The following GANAB variants were observed in gnomAD, a reference collection of about 807,000 sequenced individuals.
The protein encoded by GANAB is glucosidase II alpha subunit, also known as neutral alpha-glucosidase AB.
In GANAB, 35 loss-of-function variants were observed where a neutral mutation model predicts 129.9. That is an observed-to-expected ratio of 0.27 (90% CI 0.21 to 0.36). GANAB has a LOEUF of 0.36. Ranked by LOEUF, GANAB falls within the 10% of genes least tolerant of loss-of-function variation. The pLI is 1.00. For synonymous variants in GANAB, 482 were observed against 451.8 expected, an observed-to-expected ratio of 1.07 and a Z score of -0.85; for missense variants, 939 against 1,221.0, an observed-to-expected ratio of 0.77 and a Z score of 3.44.
In GANAB at chr11:62,631,160, G is replaced by A; in HGVS notation, c.1020C>T (p.Asp340=). Residue 340 remains aspartate, a synonymous_variant, in exon 10 of 24, where the codon GAC becomes GAT. Coordinates refer to ENST00000356638, the MANE Select transcript of GANAB (RefSeq NM_198334.3). ...AGKTLFGKMM[D]YLQGSGETPQ... is the part of the protein sequence containing the mutation. Reference sequence around the variant, plus strand: ...GGGTCTCCCCAGAGCCCTGCAGGTAGTCCATCATCTTCCCAAACAGGGTCT... The same window carrying A: ...GGGTCTCCCCAGAGCCCTGCAGGTAATCCATCATCTTCCCAAACAGGGTCT... 6.3e-7 allele frequency: 1 copy of A among 1,594,368 alleles called. No individual in the cohort carries two copies. The highest frequency in any genetic ancestry group is 8.6e-7 in the Non-Finnish European group (1 of 1,163,692).
chr11:62,629,731 G>A (rs760948316), intron 14 of GANAB, 47 bp from the exon 15 acceptor site: 93 of 1,602,856 alleles, frequency 5.8e-5, no homozygotes, highest in Non-Finnish European at 7.5e-5. Flanking sequence ...AAAGCCAGCT[G>A]TCATCTGGTG....
At chr11:62,639,505 CCTG>C in intron 2 of GANAB, 38 bp from the exon 3 acceptor site, 1 of 1,516,550 alleles carries the variant, frequency 6.6e-7, no homozygotes, top group Non-Finnish European at 9.2e-7. Flanking sequence ...GTAAAGGCCA[CCTG>C]CAATGTCCCT....
Position 62,641,826 on chromosome 11 carries a change from TG to T in GANAB, c.39-2096del, listed in dbSNP as rs1296379358. On this transcript the variant is annotated intron_variant, in intron 1 of 23. Coordinates refer to ENST00000356638, the MANE Select transcript of GANAB (RefSeq NM_198334.3). ...AATTCCTGACCTCAGGTGATCCACCTGCCTCACCCTCCCAAGTAGCTGGGAC... is the reference window on the plus strand; with the variant it reads ...AATTCCTGACCTCAGGTGATCCACCTCCTCACCCTCCCAAGTAGCTGGGAC... 7.2e-5 allele frequency among the ~76,000 whole-genome samples: 11 copies of T among 152,032 alleles called. No individual in the cohort carries two copies. The South Asian group carries it at 1.9e-3, about 26-fold the overall frequency.
Position 62,630,867 on chromosome 11 carries a change from C to T in GANAB, c.1151-31G>A, listed in dbSNP as rs757297116. On this transcript the variant is annotated intron_variant, in intron 10 of 23. Coordinates refer to ENST00000356638, the MANE Select transcript of GANAB (RefSeq NM_198334.3). ...GGTTCATGAGGGATGGGGGTCACAA[C>T]GAGGATCAGGCCCAACACCCAGAAA... The T allele has an allele frequency of 1.9e-5, 30 of 1,570,856 alleles. 1 individual carries two copies. The South Asian group carries it at 2.0e-4, about 11-fold the overall frequency.
At chr11:62,635,369 G>A (rs2134507280) in intron 4 of GANAB, among the ~76,000 whole-genome samples, 1 of 152,048 alleles carries the variant, frequency 6.6e-6, no homozygotes, top group East Asian at 1.9e-4. Flanking sequence ...TTTTAGTAGA[G>A]ATGGGGTTTC....
intron 4 of GANAB, among the ~76,000 whole-genome samples, chr11:62,636,871 G>A (rs1943965626): frequency 6.6e-6 from 1 of 152,182 alleles, no homozygotes; most frequent in Non-Finnish European, 1.5e-5. Context: ...AGGTTGTGGT[G>A]AGCCAAGATC....
intron 1 of GANAB, among the ~76,000 whole-genome samples, chr11:62,640,547 A>AT (rs1225767807): frequency 7.1e-6 from 1 of 140,826 alleles, no homozygotes; most frequent in Non-Finnish European, 1.5e-5. Flanking sequence ...AAAAAAAAAA[A>AT]AAAGGGCCGG....
chr11:62,626,792 C>A, intron 20 of GANAB, 68 bp downstream of exon 20: 2 of 1,352,296 alleles, frequency 1.5e-6, no homozygotes, highest in Admixed American at 1.9e-5. Flanking sequence ...GACCCTAAGG[C>A]ACACATTCCC....
At position 62,625,727 on chromosome 11, in the gene GANAB, G is replaced by A. The variant is rs1943338754; in HGVS notation, c.*88C>T. The A allele has an allele frequency of 1.2e-6, 1 of 841,448 alleles. No homozygotes were observed. The highest frequency in any genetic ancestry group is 2.0e-5 in the Admixed American group (1 of 50,880). The allele number at this position is 841,448 out of a possible 1,614,324, so 52.1% of individuals were successfully genotyped here. A position where few individuals can be genotyped will look rare whatever the true frequency, so the allele number is the denominator to read the frequency against. On this transcript the variant is annotated 3_prime_UTR_variant, in exon 24 of 24. Transcript: ENST00000356638. ...CTTAGACTAGCATAAGTGAAGTCTG[G>A]GGAGGGCCGAACTCCAAGGCAGAAG... is the stretch of plus-strand genomic sequence containing the variant.
chr11:62,632,571 G>T lies in GANAB; in HGVS notation c.990C>A (p.Ala330=). 6.2e-7 allele frequency: 1 copy of T among 1,612,838 alleles called. No homozygotes were observed. The change falls in exon 9 of 24, where the codon GCC becomes GCA. Residue 330 remains alanine, a synonymous_variant. Coordinates refer to ENST00000356638, the MANE Select transcript of GANAB (RefSeq NM_198334.3). ...CCCGTGCCTGTGCTCTCACCTTCCC[G>T]GCAGTGTTGGAAGATATATCAACCC... ...ETWVDISSNT[A]GKTLFGKMMD...
At chr11:62,628,318 G>C (rs897685664) in intron 17 of GANAB, among the ~76,000 whole-genome samples, 2 of 144,954 alleles carry the variant, frequency 1.4e-5, no homozygotes, top group African/African-American at 5.1e-5. Flanking sequence ...CTGGGTTCAA[G>C]TGATTCTCAT....
chr11:62,625,005 T>A lies in GANAB; in HGVS notation c.*810A>T. Reference sequence around the variant, plus strand: ...CACACATGATCATCTCCCCCCACCCTCAGGCTTCTCCTAGCAATAAATACA... The same window carrying A: ...CACACATGATCATCTCCCCCCACCCACAGGCTTCTCCTAGCAATAAATACA... On this transcript the variant is annotated 3_prime_UTR_variant, in exon 24 of 24. Transcript: ENST00000356638. The A allele has an allele frequency of 1.0e-5, 1 of 96,848 alleles. No individual in the cohort carries two copies. Among genetic ancestry groups the A allele is most frequent in the South Asian group, 7.1e-5 (1 of 14,112 alleles). The allele number at this position is 96,848 out of a possible 1,614,324, so 6.0% of individuals were successfully genotyped here. A position where few individuals can be genotyped will look rare whatever the true frequency, so the allele number is the denominator to read the frequency against.
chr11:62,642,375 T>TG (rs1219040730), intron 1 of GANAB, among the ~76,000 whole-genome samples: 1 of 151,860 alleles, frequency 6.6e-6, no homozygotes, highest in Non-Finnish European at 1.5e-5. Context: ...TTTAACAATA[T>TG]CAGTGACCTG....
At chr11:62,641,596 G>GTTTT (rs1491215525) in intron 1 of GANAB, among the ~76,000 whole-genome samples, 4 of 12,002 alleles carry the variant, frequency 3.3e-4, no homozygotes, top group African/African-American at 3.9e-4. Context: ...TTTGTTTTTT[G>GTTTT]CTTTGAGACA....
chr11:62,631,953 TCCTC>T (rs1212115818), intron 9 of GANAB, among the ~76,000 whole-genome samples: 5 of 149,946 alleles, frequency 3.3e-5, no homozygotes, highest in African/African-American at 1.2e-4. Flanking sequence ...TAACGTGTCT[TCCTC>T]CCTGTGAGTC....
intron 4 of GANAB, among the ~76,000 whole-genome samples, chr11:62,635,501 A>T (rs1943903599): frequency 6.6e-6 from 1 of 151,840 alleles, no homozygotes. Context: ...TTTTAAATGT[A>T]CTAAATACTA....
intron 17 of GANAB, among the ~76,000 whole-genome samples, chr11:62,628,443 C>G (rs573813714): frequency 9.6e-4 from 146 of 152,028 alleles, no homozygotes; most frequent in African/African-American, 3.4e-3. Context: ...AAACTCCTGA[C>G]CTCAGGTGAT....
chr11:62,646,437 A>C lies in GANAB; in HGVS notation c.38+125T>G. 6 of 1,126,222 alleles carry C rather than the reference A, an allele frequency of 5.3e-6. 1 individual carries two copies. The South Asian group carries it at 7.8e-5, about 15-fold the overall frequency. The allele number at this position is 1,126,222 out of a possible 1,614,324, so 69.8% of individuals were successfully genotyped here. ...CGGAGGCGTCTGAGGCCGCCTCCAG[A>C]GGAACAAAGGTTCCTCACGAGGCCG... is the stretch of plus-strand genomic sequence containing the variant. On this transcript the variant is annotated intron_variant, in intron 1 of 23. Coordinates refer to ENST00000356638, the MANE Select transcript of GANAB (RefSeq NM_198334.3).
chr11:62,639,965 G>T, intron 1 of GANAB: 1 of 496,204 alleles, frequency 2.0e-6, no homozygotes, highest in Non-Finnish European at 3.6e-6. Flanking sequence ...GCTGGGCGTG[G>T]TGGCTCACTC....
Sources: allele counts gnomAD v4.1 joint callset (sites outside exome capture counted in the v4.1 genomes callset), GRCh38; gene constraint gnomAD v4.1.1; transcripts MANE v1.5; gene names NCBI Gene and HGNC (gene_info 2026-07-23, HGNC 2026-07-21).